TASP1: variants seen among roughly 807,000 people sequenced by gnomAD.
TASP1 encodes the protein taspase 1, also known as threonine aspartase 1.
A neutral mutation model predicts 56.6 loss-of-function variants in TASP1; 16 were observed. The ratio of observed to expected loss-of-function variants is 0.28; its 90% CI spans 0.19 to 0.43. The LOEUF is 0.43. TASP1 is among the 20% of genes least tolerant of loss of function. The probability of loss-of-function intolerance (pLI) is 1.00; values close to 1 mark genes in which losing one functional copy is unlikely to be tolerated. For missense variants in TASP1, 393 were observed against 511.6 expected, an observed-to-expected ratio of 0.77 and a Z score of 2.24; for synonymous variants, 179 against 184.2, an observed-to-expected ratio of 0.97 and a Z score of 0.23.
the TASP1 span, among the ~76,000 whole-genome samples, chr20:13,274,451 C>T: frequency 6.6e-6 from 1 of 152,186 alleles, no homozygotes; most frequent in African/African-American, 2.4e-5. Context: ...TCTGCCCCTT[C>T]CCCTGGCAAC....
At chr20:13,421,474 G>C (rs2042431576) in intron 12 of TASP1, among the ~76,000 whole-genome samples, 1 of 152,026 alleles carries the variant, frequency 6.6e-6, no homozygotes, top group Admixed American at 6.6e-5. Flanking sequence ...TAAACAAAAG[G>C]CTAATTTTCT....
chr20:13,374,397 G>A, the TASP1 span, among the ~76,000 whole-genome samples: 1 of 151,256 alleles, frequency 6.6e-6, no homozygotes, highest in Non-Finnish European at 1.5e-5. Flanking sequence ...GCCCAGGCTG[G>A]AGTGCAGTGG....
At chr20:13,387,183 C>CTTTTTTTT (rs1568732036), downstream of TASP1, among the ~76,000 whole-genome samples, 10 of 94,960 alleles carry the variant, frequency 1.1e-4, no homozygotes, top group African/African-American at 4.5e-4. Context: ...GACATGATTT[C>CTTTTTTTT]ATTTTTTTTT....
chr20:13,331,673 C>CTT, the TASP1 span, among the ~76,000 whole-genome samples: 4,642 of 131,384 alleles, frequency 0.035, 251 homozygotes, highest in African/African-American at 0.11. Context: ...TTTTTTGTGG[C>CTT]TTTTTTTTTT....
At chr20:13,413,474 G>A (rs1358051982) in intron 13 of TASP1, among the ~76,000 whole-genome samples, 2 of 152,048 alleles carry the variant, frequency 1.3e-5, no homozygotes, top group African/African-American at 2.4e-5. Context: ...GATCCCACTG[G>A]AAAACAAGGA....
intron 4 of TASP1, among the ~76,000 whole-genome samples, chr20:13,614,330 A>T (rs530899711): frequency 2.7e-5 from 4 of 145,780 alleles, no homozygotes; most frequent in South Asian, 2.2e-4. Context: ...TACTTCATTT[A>T]AAAAAAAAAA....
chr20:13,360,989 G>A, the TASP1 span, among the ~76,000 whole-genome samples: 10 of 152,094 alleles, frequency 6.6e-5, no homozygotes, highest in Middle Eastern at 3.2e-3. Context: ...TTATGCTATA[G>A]TACAAGCCAC....
intron 11 of TASP1, among the ~76,000 whole-genome samples, chr20:13,470,339 C>T (rs2044441156): frequency 6.6e-6 from 1 of 152,130 alleles, no homozygotes; most frequent in Non-Finnish European, 1.5e-5. Flanking sequence ...AAAAGGCATT[C>T]AATTCTACCA....
intron 12 of TASP1, among the ~76,000 whole-genome samples, chr20:13,428,812 G>A (rs2042703347): frequency 6.6e-6 from 1 of 151,992 alleles, no homozygotes; most frequent in Non-Finnish European, 1.5e-5. Flanking sequence ...TTTTTTGTGA[G>A]CATGAGAATA....
the TASP1 span, among the ~76,000 whole-genome samples, chr20:13,220,971 A>G: frequency 6.6e-6 from 1 of 152,044 alleles, no homozygotes; most frequent in African/African-American, 2.4e-5. Flanking sequence ...GGCACTTGGT[A>G]CAGCCCGGCA....
the TASP1 span, among the ~76,000 whole-genome samples, chr20:13,272,199 T>C: frequency 1.3e-5 from 2 of 152,212 alleles, no homozygotes; most frequent in Non-Finnish European, 2.9e-5. Context: ...GAACTTGGAC[T>C]CAGACCAATT....
chr20:13,513,829 A>C (rs533045105), intron 10 of TASP1, among the ~76,000 whole-genome samples: 11 of 152,146 alleles, frequency 7.2e-5, no homozygotes, highest in Non-Finnish European at 1.6e-4. Flanking sequence ...TACAAATGTT[A>C]TAATTCTGAT....
chr20:13,126,049 A>G, the TASP1 span, among the ~76,000 whole-genome samples: 1 of 151,738 alleles, frequency 6.6e-6, no homozygotes, highest in Non-Finnish European at 1.5e-5. Context: ...AATTATCTTC[A>G]TTCTTCAAGG....
the TASP1 span, among the ~76,000 whole-genome samples, chr20:13,173,086 A>G: frequency 6.6e-6 from 1 of 152,186 alleles, no homozygotes; most frequent in Non-Finnish European, 1.5e-5. Context: ...GAAAAGAAAA[A>G]GTGATCATGG....
At chr20:13,468,862 TG>T (rs2044362870) in intron 11 of TASP1, among the ~76,000 whole-genome samples, 2 of 126,988 alleles carry the variant, frequency 1.6e-5, no homozygotes, top group Admixed American at 8.0e-5. Flanking sequence ...TTTATGTGTG[TG>T]TGTTTTTTTT....
chr20:13,141,816 G>A, the TASP1 span, among the ~76,000 whole-genome samples: 2 of 152,188 alleles, frequency 1.3e-5, no homozygotes, highest in African/African-American at 4.8e-5. Context: ...TCAACTGAGG[G>A]CCTGCCTCAG....
chr20:13,250,098 C>A, the TASP1 span, among the ~76,000 whole-genome samples: 3 of 152,102 alleles, frequency 2.0e-5, no homozygotes, highest in Non-Finnish European at 4.4e-5. Flanking sequence ...TCTACCTTAA[C>A]AAAGAAATCT....
the TASP1 span, chr20:13,167,141 G>C: frequency 1.3e-5 from 2 of 152,148 alleles, no homozygotes; most frequent in African/African-American, 4.8e-5. Flanking sequence ...AATAATATTA[G>C]AGTATATGTC....
intron 13 of TASP1, among the ~76,000 whole-genome samples, chr20:13,399,569 C>T (rs1038839290): frequency 7.9e-5 from 12 of 152,168 alleles, no homozygotes; most frequent in African/African-American, 2.9e-4. Context: ...TCTATCCAAC[C>T]CAACAGCAAA....
Sources: gnomAD v4.1 joint callset for allele counts (sites outside exome capture counted in the v4.1 genomes callset) on GRCh38, gnomAD v4.1.1 for gene constraint, MANE v1.5 for transcripts, NCBI Gene and HGNC (gene_info 2026-07-23, HGNC 2026-07-21) for gene names.